Variants in CDH13 observed in about 807,000 individuals in gnomAD.
CDH13 encodes the protein cadherin-13.
Under a neutral mutation model 63.8 loss-of-function variants are expected in CDH13, and 24 were observed. That is an observed-to-expected ratio of 0.38 (90% CI 0.27 to 0.53). CDH13 has a LOEUF of 0.53. Among genes scored for constraint, CDH13 ranks in the 20% least tolerant of loss-of-function variants. The pLI is 0.85. For synonymous variants in CDH13, 503 were observed against 355.3 expected (o/e 1.42, Z -4.67); for missense variants, 1,049 against 903.1 (o/e 1.16, Z -2.07).
At chr16:83,012,007 G>T (rs1597404420) in intron 2 of CDH13, among the ~76,000 whole-genome samples, 1 of 152,100 alleles carries the variant, frequency 6.6e-6, no homozygotes, top group Admixed American at 6.6e-5. Flanking sequence ...CAGATCACTA[G>T]ATTTTAATTT....
At chr16:83,010,074 G>T (rs1913965003) in intron 2 of CDH13, among the ~76,000 whole-genome samples, 1 of 141,050 alleles carries the variant, frequency 7.1e-6, no homozygotes, top group Admixed American at 7.7e-5. Flanking sequence ...GGTGGAGGTT[G>T]CAGTGAGCTG....
chr16:83,346,946 A>G (rs940015930), intron 6 of CDH13, among the ~76,000 whole-genome samples: 4 of 152,216 alleles, frequency 2.6e-5, no homozygotes, highest in African/African-American at 9.6e-5. Flanking sequence ...ATAAAGACTC[A>G]GGTGTCTGTA....
rs558310566 is a variant in CDH13, at chr16:83,762,963, C to T, written c.1681+14713C>T. ...AACAAAAGGTGTCCCTGTTAGTTCC[C>T]CCTAAGGCTCAGGGCATATGAAATA... On this transcript the variant is annotated intron_variant, in intron 11 of 13. Transcript: ENST00000567109. Among the ~76,000 whole-genome samples the T allele has an allele frequency of 2.0e-4, 30 of 152,278 alleles. No individual in the cohort carries two copies. In the South Asian group the frequency reaches 2.3e-3, roughly 12 times the overall value.
chr16:83,430,147 A>G (rs1442430986), intron 6 of CDH13, among the ~76,000 whole-genome samples: 1 of 152,194 alleles, frequency 6.6e-6, no homozygotes. Context: ...TGATATCAGG[A>G]TCTTGAGGAC....
chr16:83,211,508 T>C (rs1292412372), intron 4 of CDH13, among the ~76,000 whole-genome samples: 2 of 152,194 alleles, frequency 1.3e-5, no homozygotes, highest in Non-Finnish European at 2.9e-5. Flanking sequence ...TTCATATGTA[T>C]GCAAATACAT....
chr16:82,957,698 C>G (rs1233944114), intron 2 of CDH13, among the ~76,000 whole-genome samples: 1 of 152,072 alleles, frequency 6.6e-6, no homozygotes, highest in Admixed American at 6.5e-5. Context: ...TTACAAATTC[C>G]CTAAGTTTTC....
chr16:83,217,475 G>A lies in CDH13; in HGVS notation c.614G>A (p.Arg205Lys). 6.2e-7 allele frequency: 1 copy of A among 1,613,832 alleles called. No homozygotes were observed. Among genetic ancestry groups the A allele is most frequent in the South Asian group, 1.1e-5 (1 of 91,070 alleles). ...GSVSVTRTLD[R>K]EVIAVYQLFV... Reference sequence around the variant, plus strand: ...GTCTCCGTGACACGGACCTTGGACAGAGAAGTAATCGCTGTTTATCAAGTG... The same window carrying A: ...GTCTCCGTGACACGGACCTTGGACAAAGAAGTAATCGCTGTTTATCAAGTG... The change falls in exon 5 of 14, where the codon AGA becomes AAA. Residue 205 changes from arginine to lysine, a missense_variant. Transcript: ENST00000567109.
At chr16:83,477,362 A>G (rs1489311) in intron 6 of CDH13, among the ~76,000 whole-genome samples, 32,232 of 152,148 alleles carry the variant, frequency 0.21, 3,541 homozygotes, top group Middle Eastern at 0.3. Context: ...TTGCATTTCA[A>G]TTCAAGCCTG....
chr16:83,035,616 C>T (rs548756712), intron 3 of CDH13, among the ~76,000 whole-genome samples: 5 of 152,208 alleles, frequency 3.3e-5, no homozygotes, highest in African/African-American at 1.2e-4. Context: ...GCAGCCTGGC[C>T]CCTGAGTCCG....
intron 2 of CDH13, among the ~76,000 whole-genome samples, chr16:82,890,362 A>C (rs1484951852): frequency 6.6e-6 from 1 of 152,176 alleles, no homozygotes; most frequent in Non-Finnish European, 1.5e-5. Context: ...TTGATCACTC[A>C]CCACCATCTC....
At chr16:83,302,041 C>A (rs74486962) in intron 5 of CDH13, among the ~76,000 whole-genome samples, 2 of 151,780 alleles carry the variant, frequency 1.3e-5, no homozygotes, top group Non-Finnish European at 2.9e-5. Context: ...CATTCCTTAC[C>A]TTTCTTACCT....
intron 3 of CDH13, among the ~76,000 whole-genome samples, chr16:83,103,219 C>T (rs2034587957): frequency 1.4e-5 from 2 of 144,254 alleles, no homozygotes; most frequent in Admixed American, 1.4e-4. Flanking sequence ...TCCCAAAGTA[C>T]TGAGATTACA....
At chr16:82,964,649 C>G (rs1337828657) in intron 2 of CDH13, among the ~76,000 whole-genome samples, 1 of 152,174 alleles carries the variant, frequency 6.6e-6, no homozygotes, top group African/African-American at 2.4e-5. Context: ...CATAAAGGGA[C>G]TGAGAAAATA....
intron 1 of CDH13, among the ~76,000 whole-genome samples, chr16:82,656,744 C>G (rs57738138): frequency 6.6e-6 from 1 of 152,168 alleles, no homozygotes; most frequent in African/African-American, 2.4e-5. Context: ...CCTACCCACT[C>G]CCTTCTCCCT....
At chr16:83,574,058 G>T (rs560048773) in intron 7 of CDH13, among the ~76,000 whole-genome samples, 5 of 152,016 alleles carry the variant, frequency 3.3e-5, no homozygotes, top group African/African-American at 1.2e-4. Flanking sequence ...CTTAAGCGCC[G>T]TGCCCCTCAA....
intron 5 of CDH13, among the ~76,000 whole-genome samples, chr16:83,265,654 C>G (rs1907519921): frequency 6.7e-6 from 1 of 148,344 alleles, no homozygotes; most frequent in African/African-American, 2.5e-5. Context: ...CCCCTCTTAG[C>G]TCTTCAAGAA....
chr16:83,145,199 T>C (rs1455009211), intron 4 of CDH13, among the ~76,000 whole-genome samples: 1 of 152,128 alleles, frequency 6.6e-6, no homozygotes, highest in East Asian at 1.9e-4. Context: ...TTTGTCAGGG[T>C]GCCATGAGCT....
intron 1 of CDH13, among the ~76,000 whole-genome samples, chr16:82,649,264 A>G (rs1478875015): frequency 6.6e-6 from 1 of 152,172 alleles, no homozygotes; most frequent in Non-Finnish European, 1.5e-5. Flanking sequence ...TGTGAAATGA[A>G]CTGGCTAGAT....
chr16:83,706,602 G>C (rs967934133), intron 10 of CDH13, among the ~76,000 whole-genome samples: 9 of 152,158 alleles, frequency 5.9e-5, no homozygotes, highest in African/African-American at 2.2e-4. Context: ...TGTGATTGCT[G>C]ACTGATTATG....
Sources: allele counts gnomAD v4.1 joint callset (sites outside exome capture counted in the v4.1 genomes callset), GRCh38; gene constraint gnomAD v4.1.1; transcripts MANE v1.5; gene names NCBI Gene and HGNC (gene_info 2026-07-23, HGNC 2026-07-21).